SMC1A: variants seen among roughly 807,000 people sequenced by gnomAD.
The protein encoded by SMC1A is structural maintenance of chromosomes 1A.
In SMC1A, 4 loss-of-function variants were observed where a neutral mutation model predicts 94.5. The observed-to-expected ratio is 0.04, with a 90% CI of 0.02 to 0.10. The LOEUF (loss-of-function observed/expected upper bound fraction) is 0.10. Ranked by LOEUF, SMC1A falls within the 10% of genes least tolerant of loss-of-function variation. SMC1A has a pLI of 1.00. For synonymous variants in SMC1A, 345 were observed against 347.7 expected (o/e 0.99, Z 0.09); for missense variants, 304 against 989.0 (o/e 0.31, Z 9.29).
chrX:53,398,183 C>CAAAAAAAAAAAAAAAAAAAAAAAAAAA (rs10543081), intron 16 of SMC1A, among the ~76,000 whole-genome samples: 1 of 58,443 alleles, frequency 1.7e-5, no homozygotes, highest in Non-Finnish European at 2.8e-5. Context: ...AACTGAGTCT[C>CAAAAAAAAAAAAAAAAAAAAAAAAAAA]AAAAAAAAAA....
chrX:53,395,624 G>A (rs782175688), intron 18 of SMC1A, among the ~76,000 whole-genome samples: 77 of 111,959 alleles, frequency 6.9e-4, no homozygotes, highest in Non-Finnish European at 8.5e-4. Context: ...ATATAACCAG[G>A]TCTAAGACAA....
chrX:53,413,978 G>C (rs1489384636), intron 3 of SMC1A, among the ~76,000 whole-genome samples: 1 of 107,392 alleles, frequency 9.3e-6, no homozygotes, highest in African/African-American at 3.4e-5. Flanking sequence ...TTGGGAGGCT[G>C]AGGCAGGAGA....
chrX:53,415,844 A>G (rs782255023), intron 1 of SMC1A, among the ~76,000 whole-genome samples: 142 of 86,866 alleles, frequency 1.6e-3, no homozygotes, highest in Non-Finnish European at 2.5e-3. Flanking sequence ...AAAAATAGTG[A>G]AAAAAAAAAA....
intron 20 of SMC1A, 31 bp from the exon 21 acceptor site, chrX:53,382,691 G>A (rs782607362): frequency 1.7e-6 from 2 of 1,206,955 alleles, no homozygotes; most frequent in East Asian, 3.0e-5. Flanking sequence ...AGACCCCTCA[G>A]TGCCCTGGCA....
intron 15 of SMC1A, among the ~76,000 whole-genome samples, chrX:53,403,064 C>T (rs2075677457): frequency 1.0e-5 from 1 of 96,499 alleles, no homozygotes; most frequent in African/African-American, 3.9e-5. Context: ...TGGCAAACAT[C>T]TGTAGTCCTA....
chrX:53,400,623 G>A (rs901078251), intron 15 of SMC1A, among the ~76,000 whole-genome samples: 1 of 111,470 alleles, frequency 9.0e-6, no homozygotes, highest in African/African-American at 3.3e-5. Flanking sequence ...ACCTCTTAAA[G>A]GGCAGAACTT....
chrX:53,422,718 C>T (rs2075766243), upstream of SMC1A: 1 of 528,758 alleles, frequency 1.9e-6, no homozygotes, highest in Admixed American at 2.5e-5. Context: ...CGCGAGAATA[C>T]GTCCAGGCCT....
At chrX:53,381,780 T>G in intron 22 of SMC1A, 1 of 225,647 alleles carries the variant, frequency 4.4e-6, no homozygotes, top group Non-Finnish European at 8.2e-6. Context: ...CTCAAGAAAT[T>G]GATGCTGTAC....
chrX:53,392,065 A>T (rs1340043850), intron 19 of SMC1A, among the ~76,000 whole-genome samples: 1 of 111,367 alleles, frequency 9.0e-6, no homozygotes, highest in Admixed American at 9.6e-5. Context: ...CTTAAAAAAA[A>T]TAGTAATACC....
intron 9 of SMC1A, 59 bp from the exon 10 acceptor site, chrX:53,406,015 T>C: frequency 9.5e-7 from 1 of 1,057,800 alleles, no homozygotes; most frequent in Non-Finnish European, 1.3e-6. Context: ...GGCTCAGGAA[T>C]CCTAATTCCC....
chrX:53,411,924 G>C, intron 6 of SMC1A, 23 bp from the exon 7 acceptor site: 4 of 1,211,384 alleles, frequency 3.3e-6, no homozygotes, highest in Non-Finnish European at 4.5e-6. Context: ...CAGGGAAGGA[G>C]AACAGGGATG....
At chrX:53,404,006 C>CCTGG in intron 13 of SMC1A, 113 bp from the exon 14 acceptor site, 2 of 576,356 alleles carry the variant, frequency 3.5e-6, no homozygotes, top group Admixed American at 4.6e-5. Context: ...ACTGAGAGAA[C>CCTGG]CTGGCTTAGC....
chrX:53,419,857 A>C (rs2075748132), intron 1 of SMC1A, among the ~76,000 whole-genome samples: 1 of 108,661 alleles, frequency 9.2e-6, no homozygotes, highest in Non-Finnish European at 1.9e-5. Flanking sequence ...GAAAAGAATC[A>C]CTTGAACCCA....
In SMC1A at chrX:53,413,091, T is replaced by C. The variant is rs2075719752; in HGVS notation, c.663A>G (p.Val221=). 1 of 1,211,791 alleles carries C rather than the reference T, an allele frequency of 8.3e-7. No individual in the cohort carries two copies. The highest frequency in any genetic ancestry group is 3.0e-5 in the East Asian group (1 of 33,845). ...GGTAAAGCTTAAAGAGCTGCAGCTG[T>C]ACCTGAGCCCGTACTACCTCATCCT... The part of the protein sequence containing the change: ...RLKDEVVRAQ[V]QLQLFKLYHN... The change falls in exon 5 of 25, where the codon GTA becomes GTG. Residue 221 remains valine (V), a synonymous_variant. Coordinates refer to ENST00000322213, the MANE Select transcript of SMC1A (RefSeq NM_006306.4).
At chrX:53,394,729 A>ACC in intron 19 of SMC1A, 49 bp downstream of exon 19, 2 of 575,995 alleles carry the variant, frequency 3.5e-6, no homozygotes, top group South Asian at 2.4e-5. Context: ...AGATAGTCCC[A>ACC]CTCCCACCCA....
intron 2 of SMC1A, 24 bp from the exon 3 acceptor site, chrX:53,414,894 C>T (rs2075726240): frequency 2.0e-5 from 24 of 1,189,161 alleles, no homozygotes; most frequent in Non-Finnish European, 2.3e-5. Context: ...CATGAGTTGG[C>T]AAGGGTCAGG....
chrX:53,377,576 G>A lies in SMC1A; in HGVS notation c.*2527C>T, dbSNP rs1373465270. On this transcript the variant is annotated 3_prime_UTR_variant, in exon 25 of 25. Coordinates refer to ENST00000322213, the MANE Select transcript of SMC1A (RefSeq NM_006306.4). The stretch of plus-strand genomic sequence containing the variant: ...ACAAACGATTCTGATGCGCAGCCAA[G>A]GTTGATAACCACCTGTACAGTGGAG... 8.9e-6 allele frequency: 1 copy of A among 112,017 alleles called. No homozygotes were observed. Among genetic ancestry groups the A allele is most frequent in the Non-Finnish European group, 1.9e-5 (1 of 53,248 alleles). 9.2% of individuals were successfully genotyped at this position (112,017 alleles called of 1,213,427 possible).
intron 18 of SMC1A, among the ~76,000 whole-genome samples, chrX:53,395,266 C>G (rs1556887863): frequency 8.9e-6 from 1 of 112,387 alleles, no homozygotes; most frequent in Non-Finnish European, 1.9e-5. Context: ...TCACTTGAAA[C>G]TGGGAGGCGG....
chrX:53,413,682 TG>T (rs2075721671), intron 3 of SMC1A, among the ~76,000 whole-genome samples: 1 of 111,341 alleles, frequency 9.0e-6, no homozygotes, highest in Non-Finnish European at 1.9e-5. Context: ...AAATGAAGCT[TG>T]GGGGTAGGAG....
Sources: allele counts gnomAD v4.1 joint callset (sites outside exome capture counted in the v4.1 genomes callset), GRCh38; gene constraint gnomAD v4.1.1; transcripts MANE v1.5; gene names NCBI Gene and HGNC (gene_info 2026-07-23, HGNC 2026-07-21).